Variants in THADA observed in about 807,000 individuals in gnomAD.
THADA encodes the protein tRNA (32-2'-O)-methyltransferase regulator THADA.
Under a neutral mutation model 219.8 loss-of-function variants are expected in THADA, and 213 were observed. The observed-to-expected ratio is 0.97, with a 90% CI of 0.87 to 1.09. The LOEUF is 1.09. Ranked by LOEUF, THADA falls within the 50% of genes least tolerant of loss-of-function variation. The pLI, the probability that THADA is intolerant of heterozygous loss-of-function variation, is 0.00. For missense variants in THADA, 2,956 were observed against 2,311.3 expected (o/e 1.28, Z -5.72); for synonymous variants, 1,018 against 828.9 (o/e 1.23, Z -3.92).
Position 43,560,348 on chromosome 2 carries a change from A to G in THADA, c.2349T>C (p.Ile783=). ...IYTVYQLSHD[I]DVGRFQTLME... ...TTAGTGTTTGGAAACGACCAACATC[A>G]ATATCATGACTCAGCTGATATACTG... is the stretch of plus-strand genomic sequence containing the variant. Residue 783 remains isoleucine (I), a synonymous_variant, in exon 16 of 38, where the codon ATT becomes ATC. Coordinates refer to ENST00000405975, the MANE Select transcript of THADA (RefSeq NM_022065.5). 1 of 1,611,910 alleles carries G rather than the reference A, an allele frequency of 6.2e-7. No individual in the cohort carries two copies. Among genetic ancestry groups the G allele is most frequent in the South Asian group, 1.1e-5 (1 of 90,714 alleles).
At chr2:43,283,124 T>A (rs1301539148) in intron 35 of THADA, among the ~76,000 whole-genome samples, 1 of 152,234 alleles carries the variant, frequency 6.6e-6, no homozygotes, top group Admixed American at 6.5e-5. Flanking sequence ...CTGACTCTCC[T>A]GCTCTGCCAT....
chr2:43,354,314 T>C (rs1419196544), intron 29 of THADA, among the ~76,000 whole-genome samples: 2 of 152,026 alleles, frequency 1.3e-5, no homozygotes, highest in Non-Finnish European at 2.9e-5. Flanking sequence ...ACATAAGATA[T>C]TTTGATATAG....
At chr2:43,470,643 TAACA>T (rs984538011) in intron 26 of THADA, among the ~76,000 whole-genome samples, 1 of 152,198 alleles carries the variant, frequency 6.6e-6, no homozygotes, top group African/African-American at 2.4e-5. Flanking sequence ...AACAAAATGC[TAACA>T]AAAATTGTAT....
chr2:43,533,505 A>C (rs1694155723), intron 21 of THADA, among the ~76,000 whole-genome samples: 1 of 152,226 alleles, frequency 6.6e-6, no homozygotes, highest in Non-Finnish European at 1.5e-5. Flanking sequence ...CCCATCAATG[A>C]TAGACTGGCT....
At chr2:43,534,118 A>C (rs1292852853) in intron 21 of THADA, among the ~76,000 whole-genome samples, 1 of 152,218 alleles carries the variant, frequency 6.6e-6, no homozygotes, top group African/African-American at 2.4e-5. Flanking sequence ...TCAAAAATTA[A>C]AATGCACCTT....
intron 26 of THADA, among the ~76,000 whole-genome samples, chr2:43,479,157 T>G (rs1685885487): frequency 1.3e-5 from 2 of 152,222 alleles, no homozygotes; most frequent in South Asian, 4.1e-4. Context: ...TTAAAGCACC[T>G]CTTTGAGAAA....
At chr2:43,329,112 C>T (rs556130166) in intron 30 of THADA, among the ~76,000 whole-genome samples, 3 of 152,134 alleles carry the variant, frequency 2.0e-5, no homozygotes, top group Non-Finnish European at 2.9e-5. Flanking sequence ...ATGCGTGTTT[C>T]CCTCCCTCTG....
intron 21 of THADA, among the ~76,000 whole-genome samples, chr2:43,534,567 C>T (rs1362577581): frequency 2.0e-5 from 3 of 152,136 alleles, no homozygotes; most frequent in Admixed American, 1.3e-4. Context: ...ACATGCAGTG[C>T]TTAATTTTCT....
intron 1 of THADA, among the ~76,000 whole-genome samples, chr2:43,594,238 T>C (rs1255906849): frequency 6.6e-6 from 1 of 152,114 alleles, no homozygotes; most frequent in East Asian, 1.9e-4. Flanking sequence ...AATTACTTAC[T>C]CTCTTCCTTA....
At chr2:43,509,130 T>C (rs1437657273) in intron 22 of THADA, among the ~76,000 whole-genome samples, 2 of 152,200 alleles carry the variant, frequency 1.3e-5, no homozygotes, top group Non-Finnish European at 2.9e-5. Context: ...AGAATATAAG[T>C]TTATAGTTTA....
At chr2:43,295,223 C>T (rs1675229650) in intron 31 of THADA, among the ~76,000 whole-genome samples, 1 of 152,252 alleles carries the variant, frequency 6.6e-6, no homozygotes, top group Admixed American at 6.5e-5. Context: ...AAAACGCATA[C>T]AAAGTAGTTG....
intron 26 of THADA, among the ~76,000 whole-genome samples, chr2:43,473,797 C>A (rs199811859): frequency 1.3e-5 from 2 of 152,026 alleles, no homozygotes; most frequent in African/African-American, 4.8e-5. Flanking sequence ...TTAGTAGAGA[C>A]GAGGTTTCAC....
At chr2:43,334,983 G>A (rs1666241565) in intron 30 of THADA, among the ~76,000 whole-genome samples, 2 of 152,142 alleles carry the variant, frequency 1.3e-5, no homozygotes, top group Non-Finnish European at 2.9e-5. Context: ...TCCAAGCTCA[G>A]CCACAAGCCC....
chr2:43,396,797 T>C (rs1674096518), intron 29 of THADA, among the ~76,000 whole-genome samples: 1 of 151,616 alleles, frequency 6.6e-6, no homozygotes, highest in East Asian at 1.9e-4. Flanking sequence ...GGAAACAGTG[T>C]AAGACCCTGT....
intron 36 of THADA, among the ~76,000 whole-genome samples, chr2:43,263,486 T>G (rs1190568600): frequency 6.6e-6 from 1 of 152,154 alleles, no homozygotes; most frequent in Non-Finnish European, 1.5e-5. Context: ...ACCTAAAATG[T>G]TGGGATGTAT....
chr2:43,383,551 C>T (rs544546332), intron 29 of THADA, among the ~76,000 whole-genome samples: 4 of 152,220 alleles, frequency 2.6e-5, no homozygotes, highest in African/African-American at 7.2e-5. Context: ...AGCTGGGAGC[C>T]CCAGTACAGC....
chr2:43,334,710 G>C (rs917218297), intron 30 of THADA, among the ~76,000 whole-genome samples: 4 of 151,924 alleles, frequency 2.6e-5, no homozygotes, highest in Non-Finnish European at 5.9e-5. Context: ...GGGAGGCGGA[G>C]CTTGCAGTGA....
chr2:43,546,590 C>G (rs1696064979), intron 20 of THADA, among the ~76,000 whole-genome samples: 1 of 152,240 alleles, frequency 6.6e-6, no homozygotes. Context: ...ATAGTGAGCT[C>G]TTCTTGTTGA....
chr2:43,473,704 G>A (rs1025375248), intron 26 of THADA, among the ~76,000 whole-genome samples: 1 of 151,966 alleles, frequency 6.6e-6, no homozygotes, highest in Non-Finnish European at 1.5e-5. Context: ...TGCCTCCTGG[G>A]CTCAAGCGAT....
Sources: gnomAD v4.1 joint callset for allele counts (sites outside exome capture counted in the v4.1 genomes callset) on GRCh38, gnomAD v4.1.1 for gene constraint, MANE v1.5 for transcripts, NCBI Gene and HGNC (gene_info 2026-07-23, HGNC 2026-07-21) for gene names.